Variants in ADK observed in about 807,000 individuals in gnomAD.
The protein encoded by ADK is adenosine kinase.
A neutral mutation model predicts 44.7 loss-of-function variants in ADK; 24 were observed. That is an observed-to-expected ratio of 0.54 (90% CI 0.39 to 0.76). ADK has a LOEUF of 0.76. ADK is among the 30% of genes least tolerant of loss of function. The probability of loss-of-function intolerance (pLI) is 0.00; values close to 1 mark genes in which losing one functional copy is unlikely to be tolerated. For missense variants in ADK, 321 were observed against 425.1 expected, an observed-to-expected ratio of 0.76 and a Z score of 2.15; for synonymous variants, 128 against 142.6, an observed-to-expected ratio of 0.90 and a Z score of 0.73.
At chr10:74,178,627 G>A (rs1382428191) in intron 1 of ADK, among the ~76,000 whole-genome samples, 1 of 152,168 alleles carries the variant, frequency 6.6e-6, no homozygotes, top group Non-Finnish European at 1.5e-5. Flanking sequence ...ACAGCAGGAT[G>A]TATCTTTTAC....
chr10:74,419,954 T>TA (rs1451861198), intron 6 of ADK, among the ~76,000 whole-genome samples: 3 of 152,176 alleles, frequency 2.0e-5, no homozygotes, highest in Non-Finnish European at 4.4e-5. Context: ...ATCCCCAAAT[T>TA]ACTTACTTAT....
intron 2 of ADK, among the ~76,000 whole-genome samples, chr10:74,202,534 C>T (rs575346089): frequency 6.6e-6 from 1 of 152,156 alleles, no homozygotes; most frequent in Non-Finnish European, 1.5e-5. Flanking sequence ...CTAGAGAAAC[C>T]ACCAAACTGT....
At chr10:74,544,900 T>C (rs1849772851) in intron 7 of ADK, among the ~76,000 whole-genome samples, 1 of 140,416 alleles carries the variant, frequency 7.1e-6, no homozygotes, top group Non-Finnish European at 1.5e-5. Context: ...CTTTCTTTCT[T>C]TTTTTTTTTT....
At chr10:74,538,591 A>C (rs1849531660) in intron 7 of ADK, among the ~76,000 whole-genome samples, 1 of 152,210 alleles carries the variant, frequency 6.6e-6, no homozygotes, top group African/African-American at 2.4e-5. Context: ...ATAGATCAGG[A>C]CATTTTGAAA....
At chr10:74,437,762 A>C (rs1043613771) in intron 6 of ADK, among the ~76,000 whole-genome samples, 1 of 152,144 alleles carries the variant, frequency 6.6e-6, no homozygotes, top group Non-Finnish European at 1.5e-5. Context: ...AATCCCTCTC[A>C]TGGCTGCCAA....
At chr10:74,184,507 G>A (rs1237272201) in intron 1 of ADK, among the ~76,000 whole-genome samples, 8 of 82,258 alleles carry the variant, frequency 9.7e-5, no homozygotes, top group Non-Finnish European at 2.0e-4. Flanking sequence ...TATTTTGTGT[G>A]TGTGTGTGTG....
chr10:74,208,690 G>A (rs755034300), intron 2 of ADK, among the ~76,000 whole-genome samples: 6 of 151,390 alleles, frequency 4.0e-5, no homozygotes, highest in South Asian at 2.1e-4. Context: ...CATTAGATAA[G>A]TATTTAGATA....
At chr10:74,539,269 T>G (rs1351816779) in intron 7 of ADK, among the ~76,000 whole-genome samples, 1 of 152,150 alleles carries the variant, frequency 6.6e-6, no homozygotes. Flanking sequence ...TCAAGCAGTC[T>G]TCCCGCCTTG....
At chr10:74,440,006 C>T (rs764061478) in intron 6 of ADK, among the ~76,000 whole-genome samples, 64 of 151,818 alleles carry the variant, frequency 4.2e-4, no homozygotes, top group Non-Finnish European at 4.4e-4. Flanking sequence ...AATAATTAAA[C>T]TTAGTTGATT....
intron 10 of ADK, among the ~76,000 whole-genome samples, chr10:74,671,038 T>A (rs1290548193): frequency 3.1e-4 from 31 of 99,112 alleles, no homozygotes; most frequent in African/African-American, 8.0e-4. Flanking sequence ...CAGGTTAATT[T>A]AAAAAAAAAA....
chr10:74,478,004 A>T (rs1408926289), intron 6 of ADK, among the ~76,000 whole-genome samples: 1 of 152,208 alleles, frequency 6.6e-6, no homozygotes, highest in Admixed American at 6.5e-5. Flanking sequence ...TAGTTTGACC[A>T]GATACAAAAT....
chr10:74,298,354 G>A (rs751109357), intron 3 of ADK, among the ~76,000 whole-genome samples: 23 of 152,098 alleles, frequency 1.5e-4, no homozygotes, highest in South Asian at 4.1e-4. Flanking sequence ...TTTACTAATG[G>A]TAAGTTAGTA....
At chr10:74,228,413 T>G (rs1188299790) in intron 3 of ADK, among the ~76,000 whole-genome samples, 1 of 152,220 alleles carries the variant, frequency 6.6e-6, no homozygotes, top group Non-Finnish European at 1.5e-5. Flanking sequence ...ATCAACTGGT[T>G]TCATTAGCTT....
intron 1 of ADK, among the ~76,000 whole-genome samples, chr10:74,155,677 T>C (rs1396097752): frequency 1.3e-5 from 2 of 152,038 alleles, no homozygotes; most frequent in Non-Finnish European, 2.9e-5. Context: ...TACAGGCGCC[T>C]GCCATCACGC....
intron 6 of ADK, among the ~76,000 whole-genome samples, chr10:74,507,731 C>G (rs1337502791): frequency 6.6e-6 from 1 of 151,954 alleles, no homozygotes; most frequent in African/African-American, 2.4e-5. Context: ...CTGTATCAAA[C>G]AAAAAAAGTA....
chr10:74,598,213 C>T (rs1851988850), intron 8 of ADK, among the ~76,000 whole-genome samples: 1 of 151,906 alleles, frequency 6.6e-6, no homozygotes, highest in Non-Finnish European at 1.5e-5. Context: ...GGGAGAAGAA[C>T]CTATTGGGGA....
chr10:74,463,026 A>G (rs1228998600), intron 6 of ADK, among the ~76,000 whole-genome samples: 1 of 152,196 alleles, frequency 6.6e-6, no homozygotes, highest in Non-Finnish European at 1.5e-5. Flanking sequence ...ATCAGTAAAT[A>G]TGGAAAAATA....
At chr10:74,165,212 T>C (rs955582965) in intron 1 of ADK, among the ~76,000 whole-genome samples, 2 of 152,194 alleles carry the variant, frequency 1.3e-5, no homozygotes, top group African/African-American at 4.8e-5. Flanking sequence ...CAGTTTCTTG[T>C]GATTTTTGAA....
intron 2 of ADK, among the ~76,000 whole-genome samples, chr10:74,217,748 A>G (rs2132218316): frequency 6.6e-6 from 1 of 152,282 alleles, no homozygotes; most frequent in Admixed American, 6.5e-5. Flanking sequence ...CGCTGCTGAT[A>G]CCCAGGCAAA....
Sources: allele counts gnomAD v4.1 joint callset (sites outside exome capture counted in the v4.1 genomes callset), GRCh38; gene constraint gnomAD v4.1.1; transcripts MANE v1.5; gene names NCBI Gene and HGNC (gene_info 2026-07-23, HGNC 2026-07-21).